SLCO2A1: variants seen among roughly 807,000 people sequenced by gnomAD.
SLCO2A1 encodes solute carrier organic anion transporter family member 2A1.
In SLCO2A1, 60 loss-of-function variants were observed where a neutral mutation model predicts 71.7. That is an observed-to-expected ratio of 0.84 (90% confidence interval 0.68 to 1.04). The LOEUF (loss-of-function observed/expected upper bound fraction) is 1.04. Ranked by LOEUF, SLCO2A1 falls within the 50% of genes least tolerant of loss-of-function variation. The pLI, the probability that SLCO2A1 is intolerant of heterozygous loss-of-function variation, is 0.00. For synonymous variants in SLCO2A1, 308 were observed against 326.7 expected, an observed-to-expected ratio of 0.94 and a Z score of 0.62; for missense variants, 745 against 813.4, an observed-to-expected ratio of 0.92 and a Z score of 1.02.
At chr3:134,025,241 G>A (rs1363637866) in intron 1 of SLCO2A1, among the ~76,000 whole-genome samples, 2 of 152,030 alleles carry the variant, frequency 1.3e-5, no homozygotes, top group African/African-American at 4.8e-5. Flanking sequence ...AGGTTGCTAC[G>A]GTCCTATTAT....
chr3:133,980,121 C>T (rs1057392746), intron 1 of SLCO2A1, among the ~76,000 whole-genome samples: 7 of 152,338 alleles, frequency 4.6e-5, no homozygotes, highest in Admixed American at 4.6e-4. Context: ...CCATTCCCAA[C>T]ACCTGTCCTC....
At chr3:133,971,846 T>C (rs1934335261) in intron 3 of SLCO2A1, among the ~76,000 whole-genome samples, 2 of 152,102 alleles carry the variant, frequency 1.3e-5, no homozygotes, top group Admixed American at 6.5e-5. Context: ...CACATTAACA[T>C]AAAATTAGTT....
At chr3:133,992,599 C>T (rs1934878078) in intron 1 of SLCO2A1, among the ~76,000 whole-genome samples, 1 of 152,194 alleles carries the variant, frequency 6.6e-6, no homozygotes, top group Non-Finnish European at 1.5e-5. Context: ...CCATGGCCCG[C>T]CCTGCACCCC....
chr3:134,023,614 A>G (rs1249728618), intron 1 of SLCO2A1, among the ~76,000 whole-genome samples: 1 of 152,198 alleles, frequency 6.6e-6, no homozygotes, highest in Non-Finnish European at 1.5e-5. Flanking sequence ...GACTGCCCCA[A>G]CCAGTTTTTG....
chr3:133,945,486 C>T (rs1199455296), intron 9 of SLCO2A1, among the ~76,000 whole-genome samples: 7 of 152,154 alleles, frequency 4.6e-5, no homozygotes, highest in Admixed American at 4.6e-4. Flanking sequence ...ACTGGGAGCC[C>T]AAATCCACTA....
At chr3:134,001,379 G>A (rs1005856562) in intron 1 of SLCO2A1, among the ~76,000 whole-genome samples, 34 of 152,164 alleles carry the variant, frequency 2.2e-4, no homozygotes, top group African/African-American at 7.2e-4. Flanking sequence ...CCAAAGTGCT[G>A]GGATTACAGA....
At chr3:134,013,029 A>C (rs1375659813) in intron 1 of SLCO2A1, among the ~76,000 whole-genome samples, 1 of 152,236 alleles carries the variant, frequency 6.6e-6, no homozygotes, top group Non-Finnish European at 1.5e-5. Context: ...CTTGGGAGGC[A>C]GGGAACTTAT....
chr3:134,028,107 T>G (rs964033540), intron 1 of SLCO2A1, among the ~76,000 whole-genome samples: 1 of 152,114 alleles, frequency 6.6e-6, no homozygotes, highest in African/African-American at 2.4e-5. Flanking sequence ...CCATAAACAT[T>G]TATTTTAGGG....
At chr3:133,965,873 G>T (rs2108051132) in intron 3 of SLCO2A1, among the ~76,000 whole-genome samples, 1 of 152,326 alleles carries the variant, frequency 6.6e-6, no homozygotes, top group Admixed American at 6.5e-5. Flanking sequence ...GGACTGATGG[G>T]CTGGTTCTGC....
chr3:133,997,939 A>G (rs1280672475), intron 1 of SLCO2A1, among the ~76,000 whole-genome samples: 1 of 152,216 alleles, frequency 6.6e-6, no homozygotes, highest in Non-Finnish European at 1.5e-5. Context: ...GTGACTGTCT[A>G]GGAGTGTTTG....
intron 4 of SLCO2A1, among the ~76,000 whole-genome samples, chr3:133,954,476 C>T (rs183243702): frequency 7.9e-5 from 12 of 152,216 alleles, no homozygotes; most frequent in East Asian, 5.8e-4. Flanking sequence ...GTGGCTTGTT[C>T]GAAGGGAAGG....
intron 3 of SLCO2A1, among the ~76,000 whole-genome samples, chr3:133,966,123 C>G (rs573312316): frequency 6.6e-6 from 1 of 152,176 alleles, no homozygotes. Context: ...AACCACAACC[C>G]GTGGGCTGCG....
intron 6 of SLCO2A1, chr3:133,949,262 G>A (rs1013619945): frequency 5.1e-6 from 2 of 388,566 alleles, no homozygotes; most frequent in African/African-American, 2.1e-5. Flanking sequence ...TGTTGCCAAA[G>A]GTGTCTTCCT....
At chr3:133,978,788 C>T (rs1346879386) in intron 2 of SLCO2A1, among the ~76,000 whole-genome samples, 1 of 152,180 alleles carries the variant, frequency 6.6e-6, no homozygotes, top group Non-Finnish European at 1.5e-5. Flanking sequence ...GCTGCCTCCG[C>T]TCACTCTCTC....
chr3:133,995,497 C>T (rs1287150967), intron 1 of SLCO2A1, among the ~76,000 whole-genome samples: 1 of 152,222 alleles, frequency 6.6e-6, no homozygotes, highest in Non-Finnish European at 1.5e-5. Flanking sequence ...GTCTCAGAGT[C>T]TTTGTGGGTG....
At chr3:133,961,646 TA>T in intron 3 of SLCO2A1, among the ~76,000 whole-genome samples, 1 of 152,294 alleles carries the variant, frequency 6.6e-6, no homozygotes, top group African/African-American at 2.4e-5. Flanking sequence ...CCACTAACTT[TA>T]AAAATGTCGG....
intron 1 of SLCO2A1, among the ~76,000 whole-genome samples, chr3:134,020,112 C>A (rs565564703): frequency 1.3e-5 from 2 of 152,030 alleles, no homozygotes; most frequent in Admixed American, 1.3e-4. Flanking sequence ...ATCTAATTAC[C>A]GGTGCATGCA....
intron 1 of SLCO2A1, among the ~76,000 whole-genome samples, chr3:134,025,640 G>A (rs1285902896): frequency 3.3e-5 from 5 of 151,920 alleles, no homozygotes; most frequent in Non-Finnish European, 4.4e-5. Context: ...CTGGTCTTGT[G>A]TCATTTAGGC....
At chr3:134,006,336 G>A (rs967488180) in intron 1 of SLCO2A1, among the ~76,000 whole-genome samples, 1 of 152,158 alleles carries the variant, frequency 6.6e-6, no homozygotes, top group Non-Finnish European at 1.5e-5. Flanking sequence ...ACAGGCATGA[G>A]CCACCACTGC....
Sources: gnomAD v4.1 joint callset for allele counts (sites outside exome capture counted in the v4.1 genomes callset) on GRCh38, gnomAD v4.1.1 for gene constraint, MANE v1.5 for transcripts, NCBI Gene and HGNC (gene_info 2026-07-23, HGNC 2026-07-21) for gene names.